The following ABCC1 variants were observed in gnomAD, a reference collection of about 807,000 sequenced individuals.
ABCC1 encodes multidrug resistance-associated protein 1.
ABCC1 carries 83 observed loss-of-function variants against 172.9 expected under a neutral mutation model. The ratio of observed to expected loss-of-function variants is 0.48; its 90% confidence interval spans 0.40 to 0.58. ABCC1 has a LOEUF of 0.58. Ranked by LOEUF, ABCC1 falls within the 20% of genes least tolerant of loss-of-function variation. ABCC1 has a pLI of 0.00. For missense variants in ABCC1, 1,817 were observed against 2,002.7 expected, an observed-to-expected ratio of 0.91 and a Z score of 1.77; for synonymous variants, 937 against 825.2, an observed-to-expected ratio of 1.14 and a Z score of -2.32.
At chr16:15,976,697 T>C (rs991113121) in intron 1 of ABCC1, among the ~76,000 whole-genome samples, 8 of 152,068 alleles carry the variant, frequency 5.3e-5, no homozygotes, top group African/African-American at 1.9e-4. Flanking sequence ...ACTCCAACAG[T>C]GATGATGACA....
At chr16:16,007,635 A>C (rs1210872373) in intron 1 of ABCC1, among the ~76,000 whole-genome samples, 181 bp from the exon 2 acceptor site, 1 of 151,876 alleles carries the variant, frequency 6.6e-6, no homozygotes, top group African/African-American at 2.4e-5. Context: ...CTTGTTCCTC[A>C]TTTCTTAGTC....
intron 10 of ABCC1, among the ~76,000 whole-genome samples, chr16:16,052,209 A>G (rs1424628579): frequency 6.6e-6 from 1 of 151,394 alleles, no homozygotes; most frequent in Non-Finnish European, 1.5e-5. Context: ...ACAAAAAACC[A>G]AAAAAATTAG....
In ABCC1 at chr16:16,033,170, G is replaced by GGTAA. The variant is rs2048616514; in HGVS notation, c.677+2_677+5dup. ...AGGATCACCTTCTGGTGGATCACAG[G>GGTAA]GTAAGGCCAGGCCCCCCAGACCTCA... On this transcript the variant is annotated stop_gained and frameshift_variant and splice_region_variant. Transcript: ENST00000399410. LOFTEE classifies it high-confidence loss of function. 2 of 1,614,010 alleles carry GGTAA rather than the reference G, an allele frequency of 1.2e-6. No homozygotes were observed. Among genetic ancestry groups the GGTAA allele is most frequent in the Non-Finnish European group, 1.7e-6 (2 of 1,179,914 alleles).
chr16:16,115,520 A>G (rs528993258), intron 23 of ABCC1, among the ~76,000 whole-genome samples: 61 of 151,920 alleles, frequency 4.0e-4, no homozygotes, highest in African/African-American at 1.3e-3. Context: ...TAATTTTTGT[A>G]TTTTTAGTAG....
intron 18 of ABCC1, among the ~76,000 whole-genome samples, chr16:16,090,083 T>C (rs529849066): frequency 2.0e-5 from 3 of 152,332 alleles, no homozygotes; most frequent in Admixed American, 2.0e-4. Flanking sequence ...GTTTTTGCCA[T>C]TCAGCAAGCA....
intron 14 of ABCC1, among the ~76,000 whole-genome samples, chr16:16,073,553 A>G (rs925117845): frequency 2.6e-5 from 4 of 152,204 alleles, no homozygotes; most frequent in Non-Finnish European, 4.4e-5. Flanking sequence ...GCTTGAGGCC[A>G]GGAGTTTGAG....
chr16:16,081,496 A>G (rs2151989121), intron 16 of ABCC1, among the ~76,000 whole-genome samples: 1 of 152,336 alleles, frequency 6.6e-6, no homozygotes, highest in South Asian at 2.1e-4. Flanking sequence ...GGGGAGTGCT[A>G]GAAATGTATA....
chr16:16,108,395 C>T (rs1198250821), intron 21 of ABCC1, among the ~76,000 whole-genome samples: 2 of 150,784 alleles, frequency 1.3e-5, no homozygotes, highest in African/African-American at 4.9e-5. Flanking sequence ...CTCAGCCTCC[C>T]GAGTAGCTGG....
intron 1 of ABCC1, among the ~76,000 whole-genome samples, chr16:15,965,871 G>A (rs754716922): frequency 6.6e-6 from 1 of 152,138 alleles, no homozygotes; most frequent in African/African-American, 2.4e-5. Flanking sequence ...ACAGGCGAGA[G>A]CCACCATACC....
At chr16:16,001,359 C>T (rs902148768) in intron 1 of ABCC1, among the ~76,000 whole-genome samples, 1 of 152,078 alleles carries the variant, frequency 6.6e-6, no homozygotes, top group Non-Finnish European at 1.5e-5. Context: ...ACTACAGGCG[C>T]CCGCCACCAC....
In ABCC1 at chr16:16,076,404, A is replaced by G. The variant is rs917832909; in HGVS notation, c.1988+3A>G. On this transcript the variant is annotated splice_donor_region_variant and intron_variant, in intron 15 of 30. Coordinates refer to ENST00000399410, the MANE Select transcript of ABCC1 (RefSeq NM_004996.4). ...AGCGACCCTCCCACACTGAATGGGT[A>G]AGCCGGGACGTGGACACACGTGATG... 3 of 1,605,564 alleles carry G rather than the reference A, an allele frequency of 1.9e-6. No homozygotes were observed. The highest frequency in any genetic ancestry group is 1.3e-5 in the African/African-American group (1 of 74,610).
intron 1 of ABCC1, among the ~76,000 whole-genome samples, chr16:15,970,549 G>A (rs1338950604): frequency 6.6e-6 from 1 of 152,228 alleles, no homozygotes; most frequent in African/African-American, 2.4e-5. Context: ...AGTGGGAAAT[G>A]CATGTGCAGA....
At chr16:16,137,954 A>C (rs2045980658) in intron 29 of ABCC1, among the ~76,000 whole-genome samples, 2 of 151,784 alleles carry the variant, frequency 1.3e-5, no homozygotes, top group Non-Finnish European at 2.9e-5. Flanking sequence ...TCCTGGACTC[A>C]AGCAATCCTG....
At chr16:16,040,895 T>TC (rs1335960975) in intron 7 of ABCC1, among the ~76,000 whole-genome samples, 1 of 151,986 alleles carries the variant, frequency 6.6e-6, no homozygotes, top group East Asian at 1.9e-4. Context: ...GTCCATGAAG[T>TC]CCCTTCATGC....
chr16:16,081,558 T>C (rs2050805942), intron 16 of ABCC1, among the ~76,000 whole-genome samples: 1 of 152,224 alleles, frequency 6.6e-6, no homozygotes, highest in Non-Finnish European at 1.5e-5. Context: ...TTGTGTATAT[T>C]ATGTCTGAAA....
At chr16:16,009,272 C>A (rs544879275) in intron 2 of ABCC1, among the ~76,000 whole-genome samples, 28 of 152,094 alleles carry the variant, frequency 1.8e-4, no homozygotes, top group Non-Finnish European at 3.5e-4. Context: ...ATTTTTTAAT[C>A]TTTTGCTACA....
chr16:16,049,973 C>G (rs564830780), intron 10 of ABCC1, among the ~76,000 whole-genome samples: 38 of 152,198 alleles, frequency 2.5e-4, no homozygotes, highest in Non-Finnish European at 8.8e-5. Flanking sequence ...GAATTACAGG[C>G]GTGAGCCACC....
chr16:16,070,988 A>AT (rs1337308507), intron 13 of ABCC1, among the ~76,000 whole-genome samples: 4 of 152,148 alleles, frequency 2.6e-5, no homozygotes, highest in African/African-American at 9.7e-5. Flanking sequence ...TGCCTGTCCC[A>AT]TTGGGCTGTT....
chr16:16,060,230 G>T (rs1239310731), intron 12 of ABCC1, among the ~76,000 whole-genome samples: 1 of 152,098 alleles, frequency 6.6e-6, no homozygotes, highest in Non-Finnish European at 1.5e-5. Flanking sequence ...AAATGAAGGG[G>T]TTAGATTCCA....
Sources: gnomAD v4.1 joint callset for allele counts (sites outside exome capture counted in the v4.1 genomes callset) on GRCh38, gnomAD v4.1.1 for gene constraint, MANE v1.5 for transcripts, NCBI Gene and HGNC (gene_info 2026-07-23, HGNC 2026-07-21) for gene names.